The following ZSWIM4 variants were observed in gnomAD, a reference collection of about 807,000 sequenced individuals.
ZSWIM4 encodes the protein zinc finger SWIM domain-containing protein 4.
ZSWIM4 carries 62 observed loss-of-function variants against 102.5 expected under a neutral mutation model. The observed-to-expected ratio is 0.60, with a 90% CI of 0.49 to 0.75. ZSWIM4 has a LOEUF of 0.75. Ranked by LOEUF, ZSWIM4 falls within the 30% of genes least tolerant of loss-of-function variation. The pLI is 0.00. For missense variants in ZSWIM4, 1,280 were observed against 1,529.6 expected, an observed-to-expected ratio of 0.84 and a Z score of 2.72; for synonymous variants, 652 against 674.5, an observed-to-expected ratio of 0.97 and a Z score of 0.52.
chr19:13,827,105 T>G (rs1975630978), intron 12 of ZSWIM4, among the ~76,000 whole-genome samples: 1 of 151,598 alleles, frequency 6.6e-6, no homozygotes, highest in African/African-American at 2.4e-5. Flanking sequence ...GACAACATAG[T>G]GAGACCCCCA....
intron 3 of ZSWIM4, among the ~76,000 whole-genome samples, chr19:13,805,537 G>C (rs1396469093): frequency 6.6e-6 from 1 of 151,750 alleles, no homozygotes; most frequent in Non-Finnish European, 1.5e-5. Context: ...TGGGTGAGGG[G>C]ATACACCAGG....
In ZSWIM4 at chr19:13,799,891, A is replaced by C; in HGVS notation, c.325A>C (p.Ser109Arg). The change falls in exon 2 of 14, where the codon AGC becomes CGC. Residue 109 changes from serine (S) to arginine (R), a missense_variant. Ser to Arg is a moderately radical substitution (Grantham distance 110). Transcript: ENST00000590508. ...TACCCGCGGGCTGCACCTGCTCCAGAGCGGGGCCGTGGACCGCGTGTTGCA... is the reference window on the plus strand; with the variant it reads ...TACCCGCGGGCTGCACCTGCTCCAGCGCGGGGCCGTGGACCGCGTGTTGCA... Reference protein sequence around the residue: ...PFTRGLHLLQSGAVDRVLQVG... With the variant: ...PFTRGLHLLQRGAVDRVLQVG... 6.2e-7 allele frequency: 1 copy of C among 1,612,662 alleles called. No homozygotes were observed. Among genetic ancestry groups the C allele is most frequent in the Non-Finnish European group, 8.5e-7 (1 of 1,179,928 alleles).
chr19:13,795,445 T>G lies in ZSWIM4; in HGVS notation c.-204T>G. On this transcript the variant is annotated 5_prime_UTR_variant, in exon 1 of 14. In the 5' UTR this introduces an upstream ATG that the reference lacks. Coordinates refer to ENST00000590508, the MANE Select transcript of ZSWIM4 (RefSeq NM_001367834.3). ...AAAGCGGCGGCTGAAGCAGCTTCAT[T>G]GTTGTGAAGAGTCTTAAAGGGGCCG... is the stretch of plus-strand genomic sequence containing the variant. 5.2e-6 allele frequency: 1 copy of G among 190,826 alleles called. No individual in the cohort carries two copies. Among genetic ancestry groups the G allele is most frequent in the Non-Finnish European group, 1.1e-5 (1 of 94,656 alleles). 11.8% of individuals were successfully genotyped at this position (190,826 alleles called of 1,614,324 possible). A position where few individuals can be genotyped will look rare whatever the true frequency, so the allele number is the denominator to read the frequency against.
chr19:13,809,774 C>A lies in ZSWIM4; in HGVS notation c.1012+554C>A, dbSNP rs1333881817. Among the ~76,000 whole-genome samples the A allele has an allele frequency of 1.3e-5, 2 of 152,040 alleles. No individual in the cohort carries two copies. The highest frequency in any genetic ancestry group is 2.4e-5 in the African/African-American group (1 of 41,360). ...AGATGACATGCATGAGCCACCACAC[C>A]CAGCCTACATGTTTTGTTTCTTTTT... On this transcript the variant is annotated intron_variant, in intron 5 of 13. Transcript: ENST00000590508. The surrounding 1 kb of genome is among the most constrained non-coding windows in gnomAD (Gnocchi z 4.2).
chr19:13,802,707 T>C (rs1159198806), intron 2 of ZSWIM4, among the ~76,000 whole-genome samples: 1 of 151,944 alleles, frequency 6.6e-6, no homozygotes, highest in African/African-American at 2.4e-5. Flanking sequence ...GCCTCCCAAG[T>C]AGTTGGTACC....
At position 13,799,908 on chromosome 19, in the gene ZSWIM4, C is replaced by T. The variant is rs781487477; in HGVS notation, c.342C>T (p.Arg114=). 11 of 1,610,840 alleles carry T rather than the reference C, an allele frequency of 6.8e-6. No individual in the cohort carries two copies. Among genetic ancestry groups the T allele is most frequent in the Admixed American group, 1.7e-5 (1 of 59,954 alleles). Residue 114 remains arginine (R), a synonymous_variant, in exon 2 of 14, where the codon CGC becomes CGT. Transcript: ENST00000590508. The stretch of plus-strand genomic sequence containing the variant: ...TGCTCCAGAGCGGGGCCGTGGACCG[C>T]GTGTTGCAAGTGGGTGAGTCTTTGT... ...LHLLQSGAVD[R]VLQVGFHLSG...
At chr19:13,800,003 T>TG in intron 2 of ZSWIM4, 82 bp downstream of exon 2, 1 of 1,410,278 alleles carries the variant, frequency 7.1e-7, no homozygotes, top group Non-Finnish European at 9.6e-7. Flanking sequence ...GAGGGAGGCC[T>TG]GGGGCCAGGG....
chr19:13,795,691 G>T lies in ZSWIM4; in HGVS notation c.43G>T (p.Gly15Ter). ...CAAGCGGAGCCGGGGCTGCCCCGCG[G>T]GACCCGAGGAGCGCGATGCCGGGGC... ...AAKRSRGCPAGPEERDAGAGA... is the reference protein window; with the variant it reads ...AAKRSRGCPA Residue 15 changes from glycine to a stop codon, truncating the protein, a stop_gained, in exon 1 of 14, where the codon GGA becomes TGA. Coordinates refer to ENST00000590508, the MANE Select transcript of ZSWIM4 (RefSeq NM_001367834.3). LOFTEE classifies it high-confidence loss of function. 1.8e-6 allele frequency: 2 copies of T among 1,110,202 alleles called. No individual in the cohort carries two copies. The highest frequency in any genetic ancestry group is 2.3e-6 in the Non-Finnish European group (2 of 885,080). 68.8% of individuals were successfully genotyped at this position (1,110,202 alleles called of 1,614,324 possible). A position where few individuals can be genotyped will look rare whatever the true frequency, so the allele number is the denominator to read the frequency against.
intron 9 of ZSWIM4, 137 bp downstream of exon 9, chr19:13,818,113 C>T: frequency 7.3e-7 from 1 of 1,363,100 alleles, no homozygotes; most frequent in Middle Eastern, 2.7e-4. Context: ...GATACTGTCC[C>T]CTCATACCTT....
chr19:13,796,081 C>G (rs1193060169), intron 1 of ZSWIM4, among the ~76,000 whole-genome samples: 3 of 151,486 alleles, frequency 2.0e-5, no homozygotes, highest in Non-Finnish European at 4.4e-5. Flanking sequence ...CCTACCAACC[C>G]CAGATCTCTG....
rs200318631 is a variant in ZSWIM4, at chr19:13,819,454, C to T, written c.2022C>T (p.Asp674=). ...RYLFTALLPH[D]PDLAYRLALR... ...TGTTCACCGCACTGCTGCCTCATGA[C>T]CCGGACCTGGCCTATCGCCTCGCGC... The change falls in exon 10 of 14, where the codon GAC becomes GAT. Residue 674 remains aspartate (D), a synonymous_variant. Coordinates refer to ENST00000590508, the MANE Select transcript of ZSWIM4 (RefSeq NM_001367834.3). The T allele has an allele frequency of 5.8e-5, 93 of 1,609,280 alleles. No homozygotes were observed. The East Asian group carries it at 2.1e-3, about 36-fold the overall frequency.
intron 5 of ZSWIM4, among the ~76,000 whole-genome samples, chr19:13,811,631 C>T (rs973092139): frequency 2.6e-5 from 4 of 151,950 alleles, no homozygotes; most frequent in African/African-American, 7.2e-5. Context: ...CCCAGGAGTT[C>T]GAGTGCAGCT....
Position 13,809,553 on chromosome 19 carries a change from G to A in ZSWIM4, c.1012+333G>A, listed in dbSNP as rs1220183299. Among the ~76,000 whole-genome samples, 1 of 152,182 alleles carries A rather than the reference G, an allele frequency of 6.6e-6. No individual in the cohort carries two copies. Among genetic ancestry groups the A allele is most frequent in the Admixed American group, 6.6e-5 (1 of 15,258 alleles). On this transcript the variant is annotated intron_variant, in intron 5 of 13. Coordinates refer to ENST00000590508, the MANE Select transcript of ZSWIM4 (RefSeq NM_001367834.3). The surrounding 1 kb of genome is among the most constrained non-coding windows in gnomAD (Gnocchi z 4.2). ...GCTGGCGTGCAGTGGCACAATCTCG[G>A]CTGACTGCAACCTCTGCCTCCCGGA...
intron 5 of ZSWIM4, among the ~76,000 whole-genome samples, chr19:13,811,156 G>A (rs193185434): frequency 8.6e-5 from 13 of 151,796 alleles, no homozygotes; most frequent in East Asian, 1.9e-4. Context: ...CTCGTGATCC[G>A]CCTGCCTAGG....
intron 1 of ZSWIM4, among the ~76,000 whole-genome samples, chr19:13,797,805 G>A (rs905781129): frequency 6.6e-6 from 1 of 151,618 alleles, no homozygotes; most frequent in Non-Finnish European, 1.5e-5. Context: ...GGTGTGAGCC[G>A]CCATACCCAG....
chr19:13,831,422 G>T lies in ZSWIM4; in HGVS notation c.*372G>T. 1 of 183,674 alleles carries T rather than the reference G, an allele frequency of 5.4e-6. No homozygotes were observed. Among genetic ancestry groups the T allele is most frequent in the South Asian group, 1.6e-4 (1 of 6,270 alleles). 11.4% of individuals were successfully genotyped at this position (183,674 alleles called of 1,614,324 possible). A position where few individuals can be genotyped will look rare whatever the true frequency, so the allele number is the denominator to read the frequency against. On this transcript the variant is annotated 3_prime_UTR_variant, in exon 14 of 14. Transcript: ENST00000590508. ...CCAGAAATCGACCCTCTAAGTCAAT[G>T]TAGCACATTTTCCCCCAACCCCACC...
intron 10 of ZSWIM4, among the ~76,000 whole-genome samples, chr19:13,820,381 G>A (rs574526525): frequency 4.0e-4 from 61 of 151,940 alleles, no homozygotes; most frequent in African/African-American, 1.4e-3. Context: ...GACTCCAGGC[G>A]TGCACCACCG....
chr19:13,816,347 G>C (rs149569074), intron 7 of ZSWIM4, among the ~76,000 whole-genome samples: 385 of 152,280 alleles, frequency 2.5e-3, no homozygotes, highest in African/African-American at 8.4e-3. Flanking sequence ...TGCATGGCCA[G>C]GCACAGTGGC....
In ZSWIM4 at chr19:13,825,608, G is replaced by C. The variant is rs147043520; in HGVS notation, c.2274G>C (p.Pro758=). ...CCATCCAGCAGAACATCCACTCTCCGGCCCTGCTCTTTAAGCTGGCGCAGG... is the reference window on the plus strand; with the variant it reads ...CCATCCAGCAGAACATCCACTCTCCCGCCCTGCTCTTTAAGCTGGCGCAGG... The part of the protein sequence containing the change: ...LGSIQQNIHS[P]ALLFKLAQDA... Residue 758 remains proline (P), a synonymous_variant, in exon 12 of 14, where the codon CCG becomes CCC. Transcript: ENST00000590508. This position sits in a 1 kb window ranked among gnomAD's most constrained non-coding sequence, Gnocchi z 4.6. 2 of 1,614,164 alleles carry C rather than the reference G, an allele frequency of 1.2e-6. No homozygotes were observed. The highest frequency in any genetic ancestry group is 1.7e-6 in the Non-Finnish European group (2 of 1,180,036).
Sources: allele counts gnomAD v4.1 joint callset (sites outside exome capture counted in the v4.1 genomes callset), GRCh38; gene constraint gnomAD v4.1.1; non-coding constraint Gnocchi (gnomAD v3.1); transcripts MANE v1.5; gene names NCBI Gene and HGNC (gene_info 2026-07-23, HGNC 2026-07-21).